The following AAMDC variants were observed in gnomAD, a reference collection of about 807,000 sequenced individuals.
AAMDC encodes the protein mth938 domain-containing protein.
A neutral mutation model predicts 15.5 loss-of-function variants in AAMDC; 16 were observed. The observed-to-expected ratio is 1.03, with a 90% CI of 0.70 to 1.57. The LOEUF (loss-of-function observed/expected upper bound fraction) is 1.57. AAMDC is among the 40% of genes most tolerant of loss of function. The pLI is 0.00. For synonymous variants in AAMDC, 51 were observed against 51.6 expected (o/e 0.99, Z 0.05); for missense variants, 141 against 144.9 (o/e 0.97, Z 0.14).
In AAMDC at chr11:77,842,550, C is replaced by T; in HGVS notation, c.54C>T (p.Gly18=). The part of the protein sequence containing the change: ...SLSWGQMKVK[G]SNTTYKDCKV... ...CATGGGGGCAAATGAAAGTAAAAGG[C>T]TCTAATACAACCTATAAGGACTGCA... Residue 18 remains glycine, a synonymous_variant, in exon 2 of 4, where the codon GGC becomes GGT. Transcript: ENST00000393427. 1 of 1,613,994 alleles carries T rather than the reference C, an allele frequency of 6.2e-7. No homozygotes were observed. Among genetic ancestry groups the T allele is most frequent in the Non-Finnish European group, 8.5e-7 (1 of 1,179,962 alleles).
In AAMDC at chr11:77,842,580, A is replaced by G; in HGVS notation, c.84A>G (p.Val28=). 1 of 1,614,066 alleles carries G rather than the reference A, an allele frequency of 6.2e-7. No individual in the cohort carries two copies. Among genetic ancestry groups the G allele is most frequent in the Non-Finnish European group, 8.5e-7 (1 of 1,179,958 alleles). ...ATACAACCTATAAGGACTGCAAAGTATGGCCAGGGGGTAGTCGGACTTGGG... is the reference window on the plus strand; with the variant it reads ...ATACAACCTATAAGGACTGCAAAGTGTGGCCAGGGGGTAGTCGGACTTGGG... ...GSNTTYKDCK[V]WPGGSRTWDW... The change falls in exon 2 of 4, where the codon GTA becomes GTG. Residue 28 remains valine (V), a synonymous_variant. Coordinates refer to ENST00000393427, the MANE Select transcript of AAMDC (RefSeq NM_024684.4).
intron 1 of AAMDC, among the ~76,000 whole-genome samples, chr11:77,832,985 GTGTGTGTGTGTGTA>G (rs1274542620): frequency 6.9e-4 from 17 of 24,634 alleles, no homozygotes; most frequent in African/African-American, 4.6e-3. Context: ...GTGTGTGTGT[GTGTGTGTGTGTGTA>G]TATATATATA....
intron 5 of AAMDC, among the ~76,000 whole-genome samples, chr11:77,884,469 A>T (rs1951915409): frequency 6.6e-6 from 1 of 152,234 alleles, no homozygotes; most frequent in East Asian, 1.9e-4. Context: ...AAACTGCAAC[A>T]GAGTTCTTTC....
chr11:77,836,688 G>A (rs553901191), intron 1 of AAMDC, among the ~76,000 whole-genome samples: 11 of 152,172 alleles, frequency 7.2e-5, no homozygotes, highest in Non-Finnish European at 1.2e-4. Context: ...CCCTGTGGCC[G>A]GGCGCAGCGG....
intron 1 of AAMDC, among the ~76,000 whole-genome samples, chr11:77,836,338 AG>A (rs909396942): frequency 2.0e-5 from 3 of 152,286 alleles, no homozygotes; most frequent in African/African-American, 7.2e-5. Context: ...CATAAGAGTC[AG>A]GCCCTAATCT....
At chr11:77,878,354 T>TC (rs1293174129) in intron 5 of AAMDC, among the ~76,000 whole-genome samples, 5 of 145,164 alleles carry the variant, frequency 3.4e-5, no homozygotes, top group African/African-American at 7.7e-5. Context: ...ACAGCAAGAC[T>TC]CCATCTCAAA....
intron 2 of AAMDC, among the ~76,000 whole-genome samples, chr11:77,857,173 A>G (rs927641370): frequency 1.3e-5 from 2 of 152,242 alleles, no homozygotes. Context: ...AAGCAAAAAG[A>G]TAATTGTAAT....
chr11:77,828,755 A>G (rs753122527), intron 1 of AAMDC, among the ~76,000 whole-genome samples: 2 of 152,184 alleles, frequency 1.3e-5, no homozygotes, highest in African/African-American at 4.8e-5. Context: ...ACACATATTC[A>G]TGGATTGGAA....
chr11:77,876,402 CT>C (rs71272225), downstream of AAMDC, among the ~76,000 whole-genome samples: 714 of 144,512 alleles, frequency 4.9e-3, 1 homozygote, highest in African/African-American at 9.8e-3. Flanking sequence ...ATAAAAAGGT[CT>C]TTTTTTTTTT....
chr11:77,852,224 C>CAAAAAAAAAAAAA lies in AAMDC; in HGVS notation c.132+9601_132+9613dup, dbSNP rs545742213. On this transcript the variant is annotated intron_variant, in intron 2 of 3. Coordinates refer to ENST00000393427, the MANE Select transcript of AAMDC (RefSeq NM_024684.4). ...TGGCCAACAGAATGAGACACTGTCT[C>CAAAAAAAAAAAAA]AAAAAAAAAAAAAAAAAGAAGAAGA... 6.0e-4 allele frequency among the ~76,000 whole-genome samples: 20 copies of CAAAAAAAAAAAAA among 33,498 alleles called. 5 individuals are homozygous for CAAAAAAAAAAAAA. Among genetic ancestry groups the CAAAAAAAAAAAAA allele is most frequent in the Non-Finnish European group, 9.2e-4 (19 of 20,740 alleles). The allele number at this position is 33,498 out of a possible 152,430, so 22.0% of individuals were successfully genotyped here.
At chr11:77,889,004 G>T (rs1390185779) in intron 5 of AAMDC, among the ~76,000 whole-genome samples, 2 of 152,192 alleles carry the variant, frequency 1.3e-5, no homozygotes, top group African/African-American at 4.8e-5. Flanking sequence ...AACCATTGTG[G>T]ATGTCAGTGT....
chr11:77,869,905 T>C (rs1951332481), intron 3 of AAMDC, 88 bp downstream of exon 3: 2 of 1,234,240 alleles, frequency 1.6e-6, no homozygotes, highest in South Asian at 1.2e-5. Context: ...TGGGAGGTCA[T>C]CTTTATATAT....
intron 1 of AAMDC, among the ~76,000 whole-genome samples, chr11:77,840,252 C>T (rs1337544862): frequency 3.3e-5 from 5 of 152,080 alleles, no homozygotes; most frequent in Non-Finnish European, 2.9e-5. Context: ...TTAAAAGTAT[C>T]TTTAAGTGGC....
chr11:77,859,177 C>T (rs1360413013), intron 2 of AAMDC, among the ~76,000 whole-genome samples: 1 of 152,228 alleles, frequency 6.6e-6, no homozygotes, highest in Non-Finnish European at 1.5e-5. Context: ...GTTCCCCATT[C>T]TATTTCTTCT....
downstream of AAMDC, among the ~76,000 whole-genome samples, chr11:77,874,058 A>G (rs1047055388): frequency 1.2e-4 from 19 of 152,208 alleles, no homozygotes; most frequent in African/African-American, 4.6e-4. Flanking sequence ...ACAGTATGGA[A>G]AGTGAAGGGA....
intron 5 of AAMDC, chr11:77,884,042 A>C: frequency 7.5e-7 from 1 of 1,337,488 alleles, no homozygotes; most frequent in Admixed American, 2.0e-5. Context: ...CTCAAAACAC[A>C]AGAAGAAACA....
intron 5 of AAMDC, among the ~76,000 whole-genome samples, chr11:77,892,721 T>C (rs1161317617): frequency 6.6e-6 from 1 of 152,152 alleles, no homozygotes; most frequent in African/African-American, 2.4e-5. Flanking sequence ...TAGCTGGGAC[T>C]ACAGCTGCCC....
At chr11:77,855,495 T>C in intron 2 of AAMDC, 1 of 193,816 alleles carries the variant, frequency 5.2e-6, no homozygotes, top group Non-Finnish European at 1.1e-5. Context: ...AACTTTTTCT[T>C]TTTTTTTGTA....
chr11:77,864,767 C>T (rs547005626), intron 2 of AAMDC, among the ~76,000 whole-genome samples: 1 of 152,152 alleles, frequency 6.6e-6, no homozygotes, highest in South Asian at 2.1e-4. Flanking sequence ...TTGTTTGAGC[C>T]TAGGAGTTCA....
Sources: gnomAD v4.1 joint callset for allele counts (sites outside exome capture counted in the v4.1 genomes callset) on GRCh38, gnomAD v4.1.1 for gene constraint, MANE v1.5 for transcripts, NCBI Gene and HGNC (gene_info 2026-07-23, HGNC 2026-07-21) for gene names.